The following PPARGC1A variants were observed in gnomAD, a reference collection of about 807,000 sequenced individuals.
PPARGC1A encodes the protein peroxisome proliferator-activated receptor gamma coactivator 1-alpha.
Under a neutral mutation model 88.7 loss-of-function variants are expected in PPARGC1A, and 25 were observed. The observed-to-expected ratio is 0.28, with a 90% CI of 0.21 to 0.39. The LOEUF (loss-of-function observed/expected upper bound fraction) is 0.39. PPARGC1A is among the 10% of genes least tolerant of loss of function. The pLI, the probability that PPARGC1A is intolerant of heterozygous loss-of-function variation, is 1.00. For synonymous variants in PPARGC1A, 363 were observed against 355.6 expected, an observed-to-expected ratio of 1.02 and a Z score of -0.24; for missense variants, 880 against 968.7, an observed-to-expected ratio of 0.91 and a Z score of 1.22.
At chr4:23,894,971 T>C (rs145827098), upstream of PPARGC1A, among the ~76,000 whole-genome samples, 2 of 152,070 alleles carry the variant, frequency 1.3e-5, no homozygotes, top group African/African-American at 4.8e-5. Flanking sequence ...TATCTAGCAA[T>C]TTTTTTAAGT....
chr4:23,929,090 T>C, the PPARGC1A span, among the ~76,000 whole-genome samples: 16 of 152,066 alleles, frequency 1.1e-4, 1 homozygote, highest in East Asian at 3.9e-4. Flanking sequence ...CGTTTACCTA[T>C]GTAACAAACC....
At chr4:23,833,806 A>C (rs1725490328) in intron 2 of PPARGC1A, among the ~76,000 whole-genome samples, 1 of 152,232 alleles carries the variant, frequency 6.6e-6, no homozygotes. Context: ...TAATTTGCAT[A>C]ATGCATCCCT....
At chr4:24,153,201 T>A in the PPARGC1A span, among the ~76,000 whole-genome samples, 3 of 152,188 alleles carry the variant, frequency 2.0e-5, no homozygotes, top group Non-Finnish European at 4.4e-5. Context: ...TACAGTTACA[T>A]GAAAGAGGAC....
chr4:24,349,292 C>T, the PPARGC1A span, among the ~76,000 whole-genome samples: 2 of 152,262 alleles, frequency 1.3e-5, no homozygotes, highest in African/African-American at 2.4e-5. Context: ...CAGGAGGTGG[C>T]GCTTTCCAGA....
chr4:24,011,065 C>A, the PPARGC1A span, among the ~76,000 whole-genome samples: 2 of 152,176 alleles, frequency 1.3e-5, no homozygotes, highest in Admixed American at 1.3e-4. Flanking sequence ...AGGACCTTTG[C>A]AGATTCCAGA....
At chr4:23,877,877 A>T (rs1194143225) in intron 2 of PPARGC1A, 1 of 152,272 alleles carries the variant, frequency 6.6e-6, no homozygotes, top group African/African-American at 2.4e-5. Context: ...TGGCGTAGAG[A>T]TAGTGGGGCA....
chr4:24,432,025 G>T, the PPARGC1A span, among the ~76,000 whole-genome samples: 6 of 152,028 alleles, frequency 3.9e-5, no homozygotes, highest in Non-Finnish European at 8.8e-5. Context: ...CAGGGAAAAT[G>T]GGGGTGAGGT....
At chr4:24,131,474 C>T in the PPARGC1A span, among the ~76,000 whole-genome samples, 439 of 152,272 alleles carry the variant, frequency 2.9e-3, 3 homozygotes, top group African/African-American at 9.9e-3. Flanking sequence ...TTTGCCAGTG[C>T]CCATCAGTAA....
chr4:24,348,493 TTCATATTTTC>T, the PPARGC1A span, among the ~76,000 whole-genome samples: 1 of 152,160 alleles, frequency 6.6e-6, no homozygotes, highest in African/African-American at 2.4e-5. Flanking sequence ...GGAGGCTTTG[TTCATATTTTC>T]TTGTTCTTTT....
At chr4:24,011,311 A>C in the PPARGC1A span, among the ~76,000 whole-genome samples, 1 of 152,110 alleles carries the variant, frequency 6.6e-6, no homozygotes, top group African/African-American at 2.4e-5. Context: ...TCCCATCATA[A>C]GGGCTTGGAG....
At chr4:23,962,254 G>T in the PPARGC1A span, among the ~76,000 whole-genome samples, 39 of 152,172 alleles carry the variant, frequency 2.6e-4, no homozygotes, top group East Asian at 6.8e-3. Flanking sequence ...GTATATTATG[G>T]GGGAAAGAAA....
At chr4:23,887,962 A>T (rs369960291) in intron 1 of PPARGC1A, among the ~76,000 whole-genome samples, 39 of 152,316 alleles carry the variant, frequency 2.6e-4, no homozygotes, top group African/African-American at 9.4e-4. Flanking sequence ...TAAACTGTGA[A>T]ACACGGGGCA....
At chr4:24,159,504 C>T in the PPARGC1A span, among the ~76,000 whole-genome samples, 438 of 152,180 alleles carry the variant, frequency 2.9e-3, 3 homozygotes, top group South Asian at 6.0e-3. Context: ...CCACTGCGCC[C>T]GGCCGAGATT....
the PPARGC1A span, among the ~76,000 whole-genome samples, chr4:24,095,637 C>G: frequency 6.6e-6 from 1 of 152,146 alleles, no homozygotes; most frequent in Non-Finnish European, 1.5e-5. Flanking sequence ...AGGAGAGAGG[C>G]AGTGTCCTAG....
At chr4:24,032,492 C>A in the PPARGC1A span, among the ~76,000 whole-genome samples, 129 of 152,312 alleles carry the variant, frequency 8.5e-4, no homozygotes, top group African/African-American at 2.9e-3. Flanking sequence ...AGCTACAATA[C>A]CAGCTGAGCC....
chr4:24,458,140 A>C, the PPARGC1A span, among the ~76,000 whole-genome samples: 1 of 152,202 alleles, frequency 6.6e-6, no homozygotes, highest in Non-Finnish European at 1.5e-5. Flanking sequence ...CAGAGTTGTA[A>C]GAATGACCTC....
At chr4:23,827,346 C>G (rs1175800626) in intron 5 of PPARGC1A, among the ~76,000 whole-genome samples, 1 of 151,884 alleles carries the variant, frequency 6.6e-6, no homozygotes, top group African/African-American at 2.4e-5. Flanking sequence ...TAACAGCATA[C>G]CTACACGAAT....
At chr4:24,002,708 T>A in the PPARGC1A span, among the ~76,000 whole-genome samples, 1 of 151,880 alleles carries the variant, frequency 6.6e-6, no homozygotes, top group Non-Finnish European at 1.5e-5. Flanking sequence ...TGGCAAGTTC[T>A]CCATGGGAAC....
At chr4:24,300,892 G>A in the PPARGC1A span, among the ~76,000 whole-genome samples, 1 of 152,016 alleles carries the variant, frequency 6.6e-6, no homozygotes, top group African/African-American at 2.4e-5. Flanking sequence ...TGAAACATAG[G>A]AACAGTGGCT....
Sources: gnomAD v4.1 joint callset for allele counts (sites outside exome capture counted in the v4.1 genomes callset) on GRCh38, gnomAD v4.1.1 for gene constraint, MANE v1.5 for transcripts, NCBI Gene and HGNC (gene_info 2026-07-23, HGNC 2026-07-21) for gene names.